NPSR1: variants seen among roughly 807,000 people sequenced by gnomAD.
NPSR1 encodes the protein neuropeptide S receptor 1.
NPSR1 carries 48 observed loss-of-function variants against 46.9 expected under a neutral mutation model. The ratio of observed to expected loss-of-function variants is 1.02; its 90% CI spans 0.81 to 1.30. The LOEUF is 1.30. Ranked by LOEUF, NPSR1 falls within the 50% of genes most tolerant of loss-of-function variation. The probability of loss-of-function intolerance (pLI) is 0.00; values close to 1 mark genes in which losing one functional copy is unlikely to be tolerated. For missense variants in NPSR1, 450 were observed against 449.5 expected (o/e 1.00, Z -0.01); for synonymous variants, 176 against 168.1 (o/e 1.05, Z -0.36).
chr7:34,758,738 CCTAT>C (rs1276692908), intron 2 of NPSR1, among the ~76,000 whole-genome samples: 1 of 152,214 alleles, frequency 6.6e-6, no homozygotes, highest in Non-Finnish European at 1.5e-5. Context: ...ATAATACCTA[CCTAT>C]CTACCTATCC....
rs375709432 is a variant in NPSR1, at chr7:34,667,912, CA to C, written c.147+9361del. Among the ~76,000 whole-genome samples, 873 of 151,382 alleles carry C rather than the reference CA, an allele frequency of 5.8e-3. 8 individuals carry two copies. Among genetic ancestry groups the C allele is most frequent in the Middle Eastern group, 0.01 (3 of 294 alleles). ...TCAATAAACTGATTCCAAGTATTAGCAAAAAAAACCATTCTAAGTAAAAGAG... is the reference window on the plus strand; with the variant it reads ...TCAATAAACTGATTCCAAGTATTAGCAAAAAAACCATTCTAAGTAAAAGAG... On this transcript the variant is annotated intron_variant, in intron 1 of 8. Coordinates refer to ENST00000360581, the MANE Select transcript of NPSR1 (RefSeq NM_207172.2).
At chr7:34,709,314 A>C (rs1794268791) in intron 2 of NPSR1, among the ~76,000 whole-genome samples, 1 of 151,898 alleles carries the variant, frequency 6.6e-6, no homozygotes, top group Non-Finnish European at 1.5e-5. Context: ...TCTGCCAAAA[A>C]CTCTTAACAT....
intron 1 of NPSR1, among the ~76,000 whole-genome samples, chr7:34,659,326 C>T (rs1394367877): frequency 6.6e-6 from 1 of 152,214 alleles, no homozygotes; most frequent in Non-Finnish European, 1.5e-5. Context: ...TCACACCTGT[C>T]TAACGATATG....
chr7:34,700,102 G>A (rs1187962967), intron 2 of NPSR1, among the ~76,000 whole-genome samples: 2 of 152,192 alleles, frequency 1.3e-5, no homozygotes, highest in Non-Finnish European at 2.9e-5. Flanking sequence ...AAATAACTTT[G>A]TTGTGGAGAG....
chr7:34,802,395 C>T (rs1489011103), intron 3 of NPSR1, among the ~76,000 whole-genome samples: 1 of 149,842 alleles, frequency 6.7e-6, no homozygotes, highest in Admixed American at 6.6e-5. Context: ...AGAACAGAGC[C>T]CTCAGAAATA....
intron 8 of NPSR1, among the ~76,000 whole-genome samples, chr7:34,873,441 T>C (rs1490870698): frequency 6.6e-6 from 1 of 151,732 alleles, no homozygotes; most frequent in African/African-American, 2.4e-5. Flanking sequence ...GAAAAAAAGC[T>C]TTAATTGGCT....
chr7:34,737,627 T>C (rs1464703036), intron 2 of NPSR1, among the ~76,000 whole-genome samples: 1 of 152,228 alleles, frequency 6.6e-6, no homozygotes, highest in Non-Finnish European at 1.5e-5. Flanking sequence ...CACTCCCTCT[T>C]CTTGAAAATA....
At chr7:34,702,758 ATTAT>A (rs1793896268) in intron 2 of NPSR1, among the ~76,000 whole-genome samples, 1 of 152,216 alleles carries the variant, frequency 6.6e-6, no homozygotes, top group Admixed American at 6.5e-5. Context: ...AGAATTCTGT[ATTAT>A]TTATTTAGAA....
chr7:34,782,533 C>G (rs145922659), intron 3 of NPSR1, among the ~76,000 whole-genome samples: 4 of 152,260 alleles, frequency 2.6e-5, no homozygotes, highest in African/African-American at 9.6e-5. Context: ...GACTACAAAT[C>G]TGCACCATCA....
intron 2 of NPSR1, among the ~76,000 whole-genome samples, chr7:34,687,463 A>G (rs1024544967): frequency 3.9e-5 from 6 of 152,162 alleles, no homozygotes; most frequent in African/African-American, 1.4e-4. Context: ...TATTAATACA[A>G]TCATGGCAGA....
chr7:34,754,478 T>C (rs1229149329), intron 2 of NPSR1, among the ~76,000 whole-genome samples: 1 of 152,138 alleles, frequency 6.6e-6, no homozygotes, highest in Non-Finnish European at 1.5e-5. Flanking sequence ...CCAGTGTAAC[T>C]AGCACCCAAA....
chr7:34,662,840 T>C lies in NPSR1; in HGVS notation c.147+4281T>C, dbSNP rs953726410. ...AGGATGGCACACAATTTCCAAACTA[T>C]AGACGCTAGTATTTGAAAAGGAAAT... On this transcript the variant is annotated intron_variant, in intron 1 of 8. Transcript: ENST00000360581. Among the ~76,000 whole-genome samples the C allele has an allele frequency of 3.3e-5, 5 of 152,284 alleles. No homozygotes were observed. In the East Asian group the frequency reaches 7.7e-4, roughly 24 times the overall value.
intron 4 of NPSR1, among the ~76,000 whole-genome samples, chr7:34,824,538 A>G (rs1433643286): frequency 6.6e-6 from 1 of 152,194 alleles, no homozygotes; most frequent in African/African-American, 2.4e-5. Flanking sequence ...GGGCTTTCAC[A>G]GTGTAGCCCC....
chr7:34,810,421 A>C (rs979621000), intron 3 of NPSR1, among the ~76,000 whole-genome samples: 10 of 152,350 alleles, frequency 6.6e-5, no homozygotes, highest in African/African-American at 2.2e-4. Flanking sequence ...TTATGCAAAA[A>C]AAGATTGTAC....
At chr7:34,824,727 G>A (rs17199888) in intron 4 of NPSR1, among the ~76,000 whole-genome samples, 27,818 of 151,962 alleles carry the variant, frequency 0.18, 2,719 homozygotes, top group East Asian at 0.31. Context: ...TGGGGCCCAG[G>A]AGTCACACGT....
Position 34,866,153 on chromosome 7 carries a change from C to T in NPSR1, c.1026-11923C>T, listed in dbSNP as rs191148699. Among the ~76,000 whole-genome samples the T allele has an allele frequency of 1.3e-3, 200 of 151,970 alleles. 3 individuals are homozygous for T. The highest frequency in any genetic ancestry group is 4.2e-3 in the African/African-American group (173 of 41,226). The stretch of plus-strand genomic sequence containing the variant: ...ACTTGGACCTACGTTTTGTCCCACA[C>T]GGCCTCCACCTCCCAACCAAAACAG... On this transcript the variant is annotated intron_variant, in intron 8 of 8. Coordinates refer to the NPSR1 transcript ENST00000359791.
intron 6 of NPSR1, among the ~76,000 whole-genome samples, chr7:34,844,639 C>G (rs1790683498): frequency 6.6e-6 from 1 of 152,148 alleles, no homozygotes; most frequent in African/African-American, 2.4e-5. Flanking sequence ...GCTGTTCAGG[C>G]CATCTGACCA....
chr7:34,689,033 A>C (rs767045210), intron 2 of NPSR1, among the ~76,000 whole-genome samples: 3 of 152,166 alleles, frequency 2.0e-5, no homozygotes, highest in Non-Finnish European at 2.9e-5. Context: ...GGCACTTGGC[A>C]GCTGCCCACC....
At chr7:34,769,447 T>A (rs772196007) in intron 2 of NPSR1, among the ~76,000 whole-genome samples, 1 of 152,168 alleles carries the variant, frequency 6.6e-6, no homozygotes, top group Non-Finnish European at 1.5e-5. Flanking sequence ...TATAAAAAAA[T>A]ACATCCTCTT....
Sources: allele counts gnomAD v4.1 joint callset (sites outside exome capture counted in the v4.1 genomes callset), GRCh38; gene constraint gnomAD v4.1.1; transcripts MANE v1.5; gene names NCBI Gene and HGNC (gene_info 2026-07-23, HGNC 2026-07-21).